Variants in NXPE2 observed in about 807,000 individuals in gnomAD.
NXPE2 encodes NXPE family member 2.
In NXPE2, 34 loss-of-function variants were observed where a neutral mutation model predicts 34.4. The ratio of observed to expected loss-of-function variants is 0.99; its 90% CI spans 0.75 to 1.31. The LOEUF is 1.31. Among genes scored for constraint, NXPE2 ranks in the 40% most tolerant of loss-of-function variants. NXPE2 has a pLI of 0.00. For missense variants in NXPE2, 649 were observed against 672.5 expected, an observed-to-expected ratio of 0.97 and a Z score of 0.39; for synonymous variants, 235 against 231.3, an observed-to-expected ratio of 1.02 and a Z score of -0.15.
chr11:114,639,857 T>TATTATATTAAATATAA, the NXPE2 span, among the ~76,000 whole-genome samples: 2 of 80,596 alleles, frequency 2.5e-5, no homozygotes, highest in African/African-American at 5.4e-5. Flanking sequence ...ATATAATATA[T>TATTATATTAAATATAA]ATTATATTTT....
chr11:114,466,462 A>G, the NXPE2 span, among the ~76,000 whole-genome samples: 1 of 152,180 alleles, frequency 6.6e-6, no homozygotes, highest in African/African-American at 2.4e-5. Context: ...CCTGGTGAGC[A>G]GCACTGGATA....
chr11:114,619,794 G>A, the NXPE2 span, among the ~76,000 whole-genome samples: 24 of 151,778 alleles, frequency 1.6e-4, no homozygotes, highest in Middle Eastern at 0.01. Flanking sequence ...GTAATGCCTC[G>A]TGAGTAACCA....
At chr11:114,539,204 G>A in the NXPE2 span, among the ~76,000 whole-genome samples, 2 of 149,816 alleles carry the variant, frequency 1.3e-5, no homozygotes, top group Non-Finnish European at 1.5e-5. Flanking sequence ...AATACCGCAT[G>A]TTCTCACTCA....
rs1185515303 is a variant in NXPE2, at chr11:114,704,033, T to G, written c.909T>G (p.Ile303Met). ...GVEMMKNFTP[I>M]EVIPCNKSEN... is the part of the protein sequence containing the mutation. ...AAATGATGAAGAACTTTACCCCCAT[T>G]GAGGTCATACCATGCAACAGTAAGT... The change falls in exon 4 of 6, where the codon ATT becomes ATG. Residue 303 changes from isoleucine (I) to methionine (M), a missense_variant. By Grantham distance (10) the Ile-to-Met change is conservative. Transcript: ENST00000389586. The G allele has an allele frequency of 1.2e-5, 18 of 1,551,732 alleles. No homozygotes were observed. Among genetic ancestry groups the G allele is most frequent in the Admixed American group, 2.0e-5 (1 of 50,982 alleles).
chr11:114,537,760 C>A, the NXPE2 span, among the ~76,000 whole-genome samples: 1 of 151,740 alleles, frequency 6.6e-6, no homozygotes, highest in Non-Finnish European at 1.5e-5. Flanking sequence ...AACTACAAAC[C>A]ACTGCTCAAT....
At chr11:114,583,693 A>G in the NXPE2 span, 12 of 577,412 alleles carry the variant, frequency 2.1e-5, no homozygotes, top group South Asian at 5.5e-5. Flanking sequence ...AGTTCAAGGC[A>G]TCTGGCTTCT....
At chr11:114,545,845 C>T in the NXPE2 span, among the ~76,000 whole-genome samples, 7 of 152,108 alleles carry the variant, frequency 4.6e-5, no homozygotes, top group South Asian at 2.1e-4. Flanking sequence ...CACACCACCA[C>T]GCCCAGCTAA....
At chr11:114,689,868 A>T (rs1339352668) in intron 2 of NXPE2, among the ~76,000 whole-genome samples, 2 of 151,938 alleles carry the variant, frequency 1.3e-5, no homozygotes, top group Non-Finnish European at 2.9e-5. Flanking sequence ...CCTTTTTTAA[A>T]TTTTTTGGTT....
the NXPE2 span, among the ~76,000 whole-genome samples, chr11:114,586,016 T>A: frequency 6.6e-6 from 1 of 152,322 alleles, no homozygotes; most frequent in Non-Finnish European, 1.5e-5. Context: ...AGCCAGCTTC[T>A]TCATATGCTA....
chr11:114,623,028 C>T, the NXPE2 span, among the ~76,000 whole-genome samples: 1 of 152,176 alleles, frequency 6.6e-6, no homozygotes, highest in South Asian at 2.1e-4. Flanking sequence ...TGCGGGAAAC[C>T]CCTGTTACCC....
chr11:114,714,802 T>C, the NXPE2 span, among the ~76,000 whole-genome samples: 5 of 152,108 alleles, frequency 3.3e-5, no homozygotes, highest in African/African-American at 1.2e-4. Flanking sequence ...GGCAGGTGGA[T>C]CATGAGGTCA....
At chr11:114,805,749 G>A in the NXPE2 span, among the ~76,000 whole-genome samples, 15 of 152,332 alleles carry the variant, frequency 9.8e-5, no homozygotes, top group African/African-American at 3.4e-4. Context: ...GCCTGCCTCT[G>A]TAGGCTCCAC....
At chr11:114,807,481 A>G in the NXPE2 span, among the ~76,000 whole-genome samples, 1 of 152,008 alleles carries the variant, frequency 6.6e-6, no homozygotes. Flanking sequence ...GGCTCAAAAT[A>G]AAGGGATGGA....
chr11:114,659,486 A>G, the NXPE2 span, among the ~76,000 whole-genome samples: 1 of 151,912 alleles, frequency 6.6e-6, no homozygotes, highest in African/African-American at 2.4e-5. Flanking sequence ...AGATTACCCT[A>G]GAGATGTGAA....
At chr11:114,799,051 T>A in the NXPE2 span, among the ~76,000 whole-genome samples, 3 of 152,228 alleles carry the variant, frequency 2.0e-5, no homozygotes, top group African/African-American at 4.8e-5. Context: ...AAATGTGGCT[T>A]ATGAAAGCAA....
the NXPE2 span, among the ~76,000 whole-genome samples, chr11:114,808,571 C>A: frequency 1.4e-5 from 1 of 70,534 alleles, no homozygotes; most frequent in East Asian, 4.3e-4. Context: ...AACATCTCTA[C>A]GCAAATAAAC....
At chr11:114,628,820 TA>T in the NXPE2 span, among the ~76,000 whole-genome samples, 1 of 151,124 alleles carries the variant, frequency 6.6e-6, no homozygotes, top group African/African-American at 2.4e-5. Context: ...ATAGACGCAA[TA>T]AAAAATGATA....
the NXPE2 span, among the ~76,000 whole-genome samples, chr11:114,627,496 C>T: frequency 6.6e-6 from 1 of 150,596 alleles, no homozygotes; most frequent in Admixed American, 6.6e-5. Context: ...ACCAGGTCTG[C>T]CCTAAAAGAG....
the NXPE2 span, among the ~76,000 whole-genome samples, chr11:114,484,214 A>G: frequency 6.6e-6 from 1 of 152,116 alleles, no homozygotes; most frequent in Non-Finnish European, 1.5e-5. Flanking sequence ...TTTCCAATTG[A>G]CTAATGGAAT....
Sources: allele counts gnomAD v4.1 joint callset (sites outside exome capture counted in the v4.1 genomes callset), GRCh38; gene constraint gnomAD v4.1.1; transcripts MANE v1.5; gene names NCBI Gene and HGNC (gene_info 2026-07-23, HGNC 2026-07-21).